TNRC6B: variants seen among roughly 807,000 people sequenced by gnomAD.
TNRC6B encodes trinucleotide repeat containing adaptor 6B.
Under a neutral mutation model 203.6 loss-of-function variants are expected in TNRC6B, and 52 were observed. The observed-to-expected ratio is 0.26, with a 90% CI of 0.20 to 0.32. The LOEUF (loss-of-function observed/expected upper bound fraction) is 0.32, where lower values mean the gene tolerates loss of function less well. Among genes scored for constraint, TNRC6B ranks in the 10% least tolerant of loss-of-function variants. The pLI is 1.00. For synonymous variants in TNRC6B, 838 were observed against 845.7 expected (o/e 0.99, Z 0.16); for missense variants, 1,923 against 2,286.2 (o/e 0.84, Z 3.24).
At chr22:40,170,279 A>AG (rs1258881896) in intron 4 of TNRC6B, among the ~76,000 whole-genome samples, 1 of 134,556 alleles carries the variant, frequency 7.4e-6, no homozygotes, top group Non-Finnish European at 1.5e-5. Context: ...CCCTATCTCA[A>AG]GGGGGAAAAA....
intron 3 of TNRC6B, among the ~76,000 whole-genome samples, chr22:40,143,917 A>G (rs1358869710): frequency 1.3e-5 from 2 of 152,238 alleles, no homozygotes; most frequent in African/African-American, 4.8e-5. Context: ...AAAATGTACA[A>G]AAGACTAGGC....
At chr22:40,159,495 C>T (rs1464974088) in intron 4 of TNRC6B, among the ~76,000 whole-genome samples, 1 of 151,116 alleles carries the variant, frequency 6.6e-6, no homozygotes. Flanking sequence ...AAAAATTAGC[C>T]ATGCATGGTG....
At chr22:40,059,420 A>T (rs73418327) in intron 1 of TNRC6B, among the ~76,000 whole-genome samples, 6,719 of 152,270 alleles carry the variant, frequency 0.044, 449 homozygotes, top group African/African-American at 0.14. Context: ...AGAAAGACAA[A>T]TTTACTTTCC....
chr22:40,173,359 T>A (rs1473302903), upstream of TNRC6B, among the ~76,000 whole-genome samples: 1 of 151,932 alleles, frequency 6.6e-6, no homozygotes, highest in Non-Finnish European at 1.5e-5. Flanking sequence ...CCCAAAGTAC[T>A]GGAATTACAG....
rs867667568 is a variant in TNRC6B at position 40,140,840 on chromosome 22, C to T, written c.45+14978C>T. 7.2e-5 allele frequency among the ~76,000 whole-genome samples: 11 copies of T among 152,162 alleles called. No homozygotes were observed. In the South Asian group the frequency reaches 2.3e-3, roughly 32 times the overall value. On this transcript the variant is annotated intron_variant, in intron 3 of 23. Coordinates refer to the TNRC6B transcript ENST00000301923. The stretch of plus-strand genomic sequence containing the variant: ...ATTTTTAGTAGAGATGGGGTTTCAC[C>T]ATATTGGCCAGGCTGGTCTCAAACT...
intron 21 of TNRC6B, among the ~76,000 whole-genome samples, chr22:40,317,894 T>C (rs1157430772): frequency 6.6e-6 from 1 of 152,264 alleles, no homozygotes; most frequent in Non-Finnish European, 1.5e-5. Context: ...AAATGCATTC[T>C]CTGGCATTTA....
intron 1 of TNRC6B, among the ~76,000 whole-genome samples, chr22:40,217,972 C>CAAAAAAAAA (rs138025): frequency 8.9e-6 from 1 of 112,732 alleles, no homozygotes. Context: ...GACTCCATCT[C>CAAAAAAAAA]AAAAAAAAAA....
chr22:40,143,775 C>T (rs534193482), intron 3 of TNRC6B, among the ~76,000 whole-genome samples: 47 of 152,284 alleles, frequency 3.1e-4, no homozygotes, highest in Non-Finnish European at 5.7e-4. Flanking sequence ...GGATTACAGG[C>T]GTGAGCCACT....
At chr22:40,258,062 A>G (rs551944657) in intron 3 of TNRC6B, among the ~76,000 whole-genome samples, 1 of 83,274 alleles carries the variant, frequency 1.2e-5, no homozygotes, top group South Asian at 3.7e-4. Context: ...AGAAAATAGG[A>G]TACACAGCCT....
chr22:40,331,859 C>G lies in TNRC6B; in HGVS notation c.*8618C>G, dbSNP rs1156836679. On this transcript the variant is annotated 3_prime_UTR_variant, in exon 23 of 23. Coordinates refer to ENST00000454349, the MANE Select transcript of TNRC6B (RefSeq NM_001162501.2). ...CCTGGAGGGGAAGGGGAGTGAGAGA[C>G]GAATGTGGTAAGGTCAGCACAGTGA... is the stretch of plus-strand genomic sequence containing the variant. 1 of 351,868 alleles carries G rather than the reference C, an allele frequency of 2.8e-6. No homozygotes were observed. Among genetic ancestry groups the G allele is most frequent in the African/African-American group, 2.1e-5 (1 of 47,678 alleles). The allele number at this position is 351,868 out of a possible 1,614,324, so 21.8% of individuals were successfully genotyped here. A position where few individuals can be genotyped will look rare whatever the true frequency, so the allele number is the denominator to read the frequency against.
chr22:40,218,229 T>C (rs1170496163), intron 1 of TNRC6B, among the ~76,000 whole-genome samples: 1 of 151,772 alleles, frequency 6.6e-6, no homozygotes, highest in Non-Finnish European at 1.5e-5. Flanking sequence ...GATTACCAAG[T>C]GATAGCAAGA....
chr22:40,300,662 C>A, intron 13 of TNRC6B, 76 bp downstream of exon 13: 5 of 1,522,132 alleles, frequency 3.3e-6, no homozygotes, highest in South Asian at 2.6e-5. Flanking sequence ...ATTTGCTTCC[C>A]ACATCTTTGC....
chr22:40,299,674 C>T (rs1210881546), intron 12 of TNRC6B, among the ~76,000 whole-genome samples: 1 of 152,230 alleles, frequency 6.6e-6, no homozygotes, highest in East Asian at 1.9e-4. Context: ...CTGTGCCCAG[C>T]CTCTAGGACT....
chr22:40,054,851 G>T (rs991586426), intron 1 of TNRC6B, among the ~76,000 whole-genome samples: 1 of 150,108 alleles, frequency 6.7e-6, no homozygotes, highest in Non-Finnish European at 1.5e-5. Context: ...CAGCCTGGGT[G>T]ACATGGTGAA....
chr22:40,303,040 CTTCTTCTTTT>C (rs2071044123), intron 15 of TNRC6B, among the ~76,000 whole-genome samples: 1 of 142,520 alleles, frequency 7.0e-6, no homozygotes, highest in Non-Finnish European at 1.5e-5. Flanking sequence ...TCTTCTTCTT[CTTCTTCTTTT>C]TTTTTTTTTT....
chr22:40,222,152 G>A (rs373341288), intron 1 of TNRC6B, among the ~76,000 whole-genome samples: 12 of 152,222 alleles, frequency 7.9e-5, no homozygotes, highest in African/African-American at 2.9e-4. Flanking sequence ...AGTAAAAATA[G>A]GGAGTCCCTG....
intron 3 of TNRC6B, among the ~76,000 whole-genome samples, chr22:40,155,760 G>A (rs144733793): frequency 1.0e-3 from 157 of 152,190 alleles, no homozygotes; most frequent in African/African-American, 3.6e-3. Flanking sequence ...ACATAAGATT[G>A]AACATCTTTT....
intron 6 of TNRC6B, among the ~76,000 whole-genome samples, chr22:40,273,069 G>T (rs1372754265): frequency 6.6e-6 from 1 of 152,124 alleles, no homozygotes; most frequent in Non-Finnish European, 1.5e-5. Context: ...AGTAAACCAT[G>T]TTCATTAAGA....
At chr22:40,194,991 G>A (rs1253887062) in intron 1 of TNRC6B, among the ~76,000 whole-genome samples, 1 of 152,172 alleles carries the variant, frequency 6.6e-6, no homozygotes, top group Non-Finnish European at 1.5e-5. Context: ...TTTGCTGGGA[G>A]CCCTCCTTTA....
Sources: gnomAD v4.1 joint callset for allele counts (sites outside exome capture counted in the v4.1 genomes callset) on GRCh38, gnomAD v4.1.1 for gene constraint, MANE v1.5 for transcripts, NCBI Gene and HGNC (gene_info 2026-07-23, HGNC 2026-07-21) for gene names.